The following GALNT13 variants were observed in gnomAD, a reference collection of about 807,000 sequenced individuals.
GALNT13 encodes polypeptide N-acetylgalactosaminyltransferase 13.
GALNT13 carries 28 observed loss-of-function variants against 64.2 expected under a neutral mutation model. The ratio of observed to expected loss-of-function variants is 0.44; its 90% CI spans 0.32 to 0.60. GALNT13 has a LOEUF of 0.60. GALNT13 is among the 20% of genes least tolerant of loss of function. The pLI, the probability that GALNT13 is intolerant of heterozygous loss-of-function variation, is 0.05. For missense variants in GALNT13, 577 were observed against 669.8 expected (o/e 0.86, Z 1.53); for synonymous variants, 214 against 224.6 (o/e 0.95, Z 0.42).
the GALNT13 span, among the ~76,000 whole-genome samples, chr2:153,133,419 G>C: frequency 6.6e-6 from 1 of 152,230 alleles, no homozygotes; most frequent in South Asian, 2.1e-4. Context: ...TTCCTGAGTG[G>C]TATCTGGAAT....
At chr2:153,276,343 G>T in the GALNT13 span, among the ~76,000 whole-genome samples, 1 of 151,978 alleles carries the variant, frequency 6.6e-6, no homozygotes, top group African/African-American at 2.4e-5. Context: ...TATAGAAAAA[G>T]CATCCTCTTG....
the GALNT13 span, among the ~76,000 whole-genome samples, chr2:153,167,457 G>T: frequency 6.6e-6 from 1 of 152,164 alleles, no homozygotes; most frequent in African/African-American, 2.4e-5. Flanking sequence ...GAGATTTTAG[G>T]TTACTACAGC....
At chr2:154,260,703 G>C (rs1227614123) in intron 8 of GALNT13, among the ~76,000 whole-genome samples, 1 of 152,036 alleles carries the variant, frequency 6.6e-6, no homozygotes. Flanking sequence ...GGTTCTTATG[G>C]TGAAAGAAAT....
At chr2:153,945,501 A>C (rs750138891) in intron 3 of GALNT13, among the ~76,000 whole-genome samples, 11 of 152,282 alleles carry the variant, frequency 7.2e-5, no homozygotes, top group South Asian at 2.1e-4. Flanking sequence ...GACAAAAAGC[A>C]AGCTTCAATT....
chr2:153,138,024 T>G, the GALNT13 span, among the ~76,000 whole-genome samples: 1 of 152,148 alleles, frequency 6.6e-6, no homozygotes, highest in Non-Finnish European at 1.5e-5. Context: ...GTGCTTAGTA[T>G]GTGCCAGACT....
the GALNT13 span, among the ~76,000 whole-genome samples, chr2:153,439,620 T>A: frequency 1.3e-5 from 2 of 152,178 alleles, no homozygotes; most frequent in Admixed American, 6.5e-5. Flanking sequence ...ATCTCAGCCA[T>A]GTGTGGGATA....
At chr2:153,412,896 C>G in the GALNT13 span, among the ~76,000 whole-genome samples, 1 of 152,146 alleles carries the variant, frequency 6.6e-6, no homozygotes, top group Admixed American at 6.5e-5. Flanking sequence ...GGAGACATAA[C>G]AGTCAGGGCC....
chr2:153,998,764 T>TGGTTTTAGGTTTTA (rs1407528865), intron 3 of GALNT13, among the ~76,000 whole-genome samples: 2 of 152,174 alleles, frequency 1.3e-5, no homozygotes, highest in Non-Finnish European at 2.9e-5. Flanking sequence ...AGGGTTTTTA[T>TGGTTTTAGGTTTTA]GGTTTTAGGT....
At chr2:153,392,341 A>T in the GALNT13 span, among the ~76,000 whole-genome samples, 3 of 151,922 alleles carry the variant, frequency 2.0e-5, no homozygotes, top group Admixed American at 1.3e-4. Flanking sequence ...TATTAAAAAA[A>T]AACCCCACAA....
At chr2:153,780,298 C>T in the GALNT13 span, among the ~76,000 whole-genome samples, 1 of 141,632 alleles carries the variant, frequency 7.1e-6, no homozygotes, top group African/African-American at 2.7e-5. Flanking sequence ...TACATTTGAC[C>T]TTAATATAAT....
chr2:153,295,578 A>G, the GALNT13 span, among the ~76,000 whole-genome samples: 1 of 151,306 alleles, frequency 6.6e-6, no homozygotes, highest in Non-Finnish European at 1.5e-5. Context: ...TCCTCTGGGT[A>G]TGGAATTTGG....
intron 6 of GALNT13, 78 bp from the exon 7 acceptor site, chr2:154,245,734 A>G (rs1689744784): frequency 2.3e-6 from 2 of 883,936 alleles, no homozygotes; most frequent in East Asian, 2.5e-5. Context: ...TCCTCATATC[A>G]GCTATAATCA....
At chr2:154,287,292 T>G (rs1692325140) in intron 8 of GALNT13, 2 of 701,964 alleles carry the variant, frequency 2.8e-6, no homozygotes, top group Admixed American at 3.9e-5. Context: ...CCCAACTCAC[T>G]GGCCATGGCG....
At chr2:154,341,638 G>C (rs1357015935) in intron 9 of GALNT13, among the ~76,000 whole-genome samples, 1 of 151,954 alleles carries the variant, frequency 6.6e-6, no homozygotes, top group Non-Finnish European at 1.5e-5. Flanking sequence ...GAGGAAAAGA[G>C]GCACATAGGC....
chr2:153,093,218 T>G, the GALNT13 span, among the ~76,000 whole-genome samples: 1 of 149,406 alleles, frequency 6.7e-6, no homozygotes, highest in Admixed American at 6.8e-5. Flanking sequence ...TGATGAAGGA[T>G]CTTTCTTTTT....
chr2:153,606,951 C>T, the GALNT13 span, among the ~76,000 whole-genome samples: 1 of 149,838 alleles, frequency 6.7e-6, no homozygotes, highest in Non-Finnish European at 1.5e-5. Context: ...TTCTTCATCT[C>T]TTTTCATATT....
At chr2:153,735,749 C>G in the GALNT13 span, among the ~76,000 whole-genome samples, 3 of 152,190 alleles carry the variant, frequency 2.0e-5, no homozygotes, top group African/African-American at 7.2e-5. Flanking sequence ...CAGAATATCC[C>G]TCAACCTGGT....
the GALNT13 span, among the ~76,000 whole-genome samples, chr2:153,707,094 T>A: frequency 2.0e-5 from 3 of 152,294 alleles, no homozygotes; most frequent in Middle Eastern, 6.8e-3. Flanking sequence ...ATGTAAGATA[T>A]GACTTGCTCC....
intron 10 of GALNT13, among the ~76,000 whole-genome samples, chr2:154,404,757 G>A (rs1211336723): frequency 6.6e-6 from 1 of 152,082 alleles, no homozygotes; most frequent in Non-Finnish European, 1.5e-5. Flanking sequence ...TAGAGTGGGA[G>A]GAAAAGGAAA....
Sources: gnomAD v4.1 joint callset for allele counts (sites outside exome capture counted in the v4.1 genomes callset) on GRCh38, gnomAD v4.1.1 for gene constraint, MANE v1.5 for transcripts, NCBI Gene and HGNC (gene_info 2026-07-23, HGNC 2026-07-21) for gene names.